RAD51B: variants seen among roughly 807,000 people sequenced by gnomAD.
The protein encoded by RAD51B is DNA repair protein RAD51 homolog 2.
A neutral mutation model predicts 42.2 loss-of-function variants in RAD51B; 38 were observed. The ratio of observed to expected loss-of-function variants is 0.90; its 90% CI spans 0.70 to 1.18. RAD51B has a LOEUF of 1.18. RAD51B is among the 50% of genes most tolerant of loss of function. The pLI is 0.00. For synonymous variants in RAD51B, 154 were observed against 145.2 expected (o/e 1.06, Z -0.43); for missense variants, 373 against 400.7 (o/e 0.93, Z 0.59).
At chr14:68,126,445 GA>G (rs996615063) in intron 7 of RAD51B, among the ~76,000 whole-genome samples, 2 of 152,182 alleles carry the variant, frequency 1.3e-5, no homozygotes, top group African/African-American at 2.4e-5. Flanking sequence ...TGTCAGCAAA[GA>G]TTGGAAGCAG....
chr14:68,173,141 C>T (rs1221688130), intron 7 of RAD51B, among the ~76,000 whole-genome samples: 1 of 152,154 alleles, frequency 6.6e-6, no homozygotes, highest in Non-Finnish European at 1.5e-5. Flanking sequence ...TGCAGCAAGT[C>T]AGTGGCAAAT....
At chr14:68,381,442 G>A (rs568393103) in intron 8 of RAD51B, among the ~76,000 whole-genome samples, 8 of 152,252 alleles carry the variant, frequency 5.3e-5, no homozygotes, top group Admixed American at 1.3e-4. Context: ...TTGGGAGGCC[G>A]AGGCAGGCAG....
chr14:67,857,417 A>G (rs2042032301), intron 4 of RAD51B, among the ~76,000 whole-genome samples: 2 of 152,242 alleles, frequency 1.3e-5, no homozygotes, highest in Admixed American at 1.3e-4. Context: ...CATAAAAATA[A>G]TGAAGTAGGG....
chr14:68,255,459 T>C (rs1863046107), intron 7 of RAD51B, among the ~76,000 whole-genome samples: 1 of 152,216 alleles, frequency 6.6e-6, no homozygotes. Flanking sequence ...ATACCTTAGT[T>C]ACCTAATTCC....
intron 7 of RAD51B, among the ~76,000 whole-genome samples, chr14:68,054,237 A>G (rs2076438292): frequency 6.6e-6 from 1 of 152,164 alleles, no homozygotes; most frequent in Non-Finnish European, 1.5e-5. Flanking sequence ...TGTTGCATTC[A>G]CTTGTCATGC....
intron 4 of RAD51B, among the ~76,000 whole-genome samples, chr14:67,845,140 A>G (rs1445053416): frequency 6.6e-6 from 1 of 152,166 alleles, no homozygotes; most frequent in Non-Finnish European, 1.5e-5. Flanking sequence ...TGATATTGTC[A>G]TCATGTTGTT....
At chr14:67,889,906 A>C (rs965306606) in intron 7 of RAD51B, among the ~76,000 whole-genome samples, 1 of 152,168 alleles carries the variant, frequency 6.6e-6, no homozygotes, top group Admixed American at 6.6e-5. Context: ...AGTTTTGAGA[A>C]ACAGTTGTAG....
intron 7 of RAD51B, among the ~76,000 whole-genome samples, chr14:67,971,578 T>C (rs1372685466): frequency 6.6e-6 from 1 of 152,040 alleles, no homozygotes; most frequent in Non-Finnish European, 1.5e-5. Context: ...TTAGAAAATG[T>C]GGAAAATGGA....
intron 11 of RAD51B, among the ~76,000 whole-genome samples, chr14:68,655,130 A>AGTGT (rs3077341): frequency 0.19 from 28,502 of 150,266 alleles, 2,785 homozygotes; most frequent in Middle Eastern, 0.22. Flanking sequence ...GCAAATGGTG[A>AGTGT]GTGTGTGTGT....
chr14:68,033,929 T>A (rs1388331763), intron 7 of RAD51B, among the ~76,000 whole-genome samples: 1 of 152,164 alleles, frequency 6.6e-6, no homozygotes, highest in South Asian at 2.1e-4. Context: ...TTGACTGAGT[T>A]TGATTGTTTC....
At chr14:68,171,526 C>G (rs549821079) in intron 7 of RAD51B, among the ~76,000 whole-genome samples, 1 of 152,152 alleles carries the variant, frequency 6.6e-6, no homozygotes, top group Admixed American at 6.5e-5. Flanking sequence ...GTCTCAAACT[C>G]CTGACCTCAG....
intron 4 of RAD51B, among the ~76,000 whole-genome samples, chr14:67,846,154 A>G (rs1035580516): frequency 1.6e-4 from 24 of 152,080 alleles, no homozygotes; most frequent in African/African-American, 4.8e-4. Flanking sequence ...TGCACACTCC[A>G]TGGCTTGGAT....
intron 7 of RAD51B, among the ~76,000 whole-genome samples, chr14:68,120,958 G>T (rs1030834698): frequency 6.6e-6 from 1 of 152,076 alleles, no homozygotes; most frequent in Non-Finnish European, 1.5e-5. Context: ...TATTTTAGGT[G>T]TGATGTACTA....
At chr14:68,577,480 T>A (rs1245278836) in intron 10 of RAD51B, among the ~76,000 whole-genome samples, 1 of 151,866 alleles carries the variant, frequency 6.6e-6, no homozygotes, top group East Asian at 1.9e-4. Flanking sequence ...CATGTGCTTT[T>A]ACTCATTATT....
At chr14:68,295,705 C>A (rs2081601075) in intron 8 of RAD51B, among the ~76,000 whole-genome samples, 1 of 152,128 alleles carries the variant, frequency 6.6e-6, no homozygotes. Flanking sequence ...GACTTCATTT[C>A]CCTGAGTCAG....
At chr14:68,403,143 A>T (rs1201400832) in intron 8 of RAD51B, among the ~76,000 whole-genome samples, 1 of 152,148 alleles carries the variant, frequency 6.6e-6, no homozygotes, top group East Asian at 1.9e-4. Flanking sequence ...AAACATTTGT[A>T]GGTATTGTTA....
intron 7 of RAD51B, among the ~76,000 whole-genome samples, chr14:68,162,064 C>A (rs2078651068): frequency 8.5e-5 from 13 of 152,148 alleles, no homozygotes; most frequent in Admixed American, 8.5e-4. Context: ...GGTTAAGAAA[C>A]CCTGCTTTTT....
At chr14:68,521,958 G>A (rs1376375022) in intron 10 of RAD51B, among the ~76,000 whole-genome samples, 1 of 152,200 alleles carries the variant, frequency 6.6e-6, no homozygotes, top group Non-Finnish European at 1.5e-5. Context: ...TATGTTAACT[G>A]ACTTCACAGC....
intron 8 of RAD51B, among the ~76,000 whole-genome samples, chr14:68,340,766 A>G (rs977210580): frequency 1.3e-5 from 2 of 152,226 alleles, no homozygotes; most frequent in Non-Finnish European, 2.9e-5. Context: ...CTAGGCTCCT[A>G]TACCATCTTG....
Sources: gnomAD v4.1 joint callset for allele counts (sites outside exome capture counted in the v4.1 genomes callset) on GRCh38, gnomAD v4.1.1 for gene constraint, MANE v1.5 for transcripts, NCBI Gene and HGNC (gene_info 2026-07-23, HGNC 2026-07-21) for gene names.